Variants in TGFBR3 observed in about 807,000 individuals in gnomAD.
The protein encoded by TGFBR3 is transforming growth factor beta receptor type 3.
A neutral mutation model predicts 87.9 loss-of-function variants in TGFBR3; 46 were observed. The observed-to-expected ratio is 0.52, with a 90% CI of 0.41 to 0.67. The LOEUF (loss-of-function observed/expected upper bound fraction) is 0.67. TGFBR3 is among the 30% of genes least tolerant of loss of function. The pLI, the probability that TGFBR3 is intolerant of heterozygous loss-of-function variation, is 0.00. For synonymous variants in TGFBR3, 381 were observed against 391.6 expected (o/e 0.97, Z 0.32); for missense variants, 866 against 1,041.9 (o/e 0.83, Z 2.32).
At chr1:91,829,397 A>AAC (rs960327961) in intron 2 of TGFBR3, among the ~76,000 whole-genome samples, 1 of 149,350 alleles carries the variant, frequency 6.7e-6, no homozygotes, top group Admixed American at 6.7e-5. Context: ...CAAACAAACA[A>AAC]AAAAAAAAAA....
At chr1:91,731,140 A>G (rs1672753440) in intron 5 of TGFBR3, among the ~76,000 whole-genome samples, 1 of 152,250 alleles carries the variant, frequency 6.6e-6, no homozygotes, top group Admixed American at 6.5e-5. Flanking sequence ...TGGCACTACT[A>G]TAAAACAGAC....
intron 2 of TGFBR3, among the ~76,000 whole-genome samples, chr1:91,842,033 G>A (rs1466573948): frequency 2.7e-5 from 4 of 150,698 alleles, no homozygotes; most frequent in African/African-American, 4.9e-5. Context: ...ACTGGGAGCC[G>A]AAGGTTGCAG....
At chr1:91,872,147 C>A (rs924312447) in intron 1 of TGFBR3, among the ~76,000 whole-genome samples, 2 of 152,200 alleles carry the variant, frequency 1.3e-5, no homozygotes, top group African/African-American at 4.8e-5. Flanking sequence ...GGCTTCCTAT[C>A]CCTGTAGGAA....
chr1:91,683,216 G>A lies in TGFBR3; in HGVS notation c.*523C>T, dbSNP rs909524269. Reference sequence around the variant, plus strand: ...GTTGTGGCAGCAAGGTCAGAAGTGTGCATCCAGACAAAGGTGCAAATTAGA... The same window carrying A: ...GTTGTGGCAGCAAGGTCAGAAGTGTACATCCAGACAAAGGTGCAAATTAGA... On this transcript the variant is annotated 3_prime_UTR_variant, in exon 17 of 17. Transcript: ENST00000212355. The A allele has an allele frequency of 2.2e-6, 1 of 454,506 alleles. No homozygotes were observed. The highest frequency in any genetic ancestry group is 4.4e-6 in the Non-Finnish European group (1 of 226,860). 28.2% of individuals were successfully genotyped at this position (454,506 alleles called of 1,614,324 possible).
intron 1 of TGFBR3, among the ~76,000 whole-genome samples, chr1:91,884,604 C>T (rs1452448517): frequency 6.6e-6 from 1 of 152,170 alleles, no homozygotes; most frequent in East Asian, 1.9e-4. Context: ...GCTTTGGAGT[C>T]AGAACTAACA....
chr1:91,904,975 C>T (rs1168267703), intron 1 of TGFBR3, among the ~76,000 whole-genome samples: 1 of 152,116 alleles, frequency 6.6e-6, no homozygotes, highest in Non-Finnish European at 1.5e-5. Flanking sequence ...GCTGGGATTA[C>T]AGGCATGAGC....
chr1:91,885,651 C>T (rs1054692026), intron 1 of TGFBR3, among the ~76,000 whole-genome samples: 1 of 152,188 alleles, frequency 6.6e-6, no homozygotes, highest in Non-Finnish European at 1.5e-5. Flanking sequence ...CTGCCTGCCC[C>T]GTGCGGCCGC....
intron 3 of TGFBR3, among the ~76,000 whole-genome samples, chr1:91,772,868 T>C (rs1260291336): frequency 6.6e-6 from 1 of 152,220 alleles, no homozygotes; most frequent in African/African-American, 2.4e-5. Flanking sequence ...CTCTCATTCT[T>C]TTCAAAGAAG....
At chr1:91,851,062 C>G (rs1265764580) in intron 2 of TGFBR3, among the ~76,000 whole-genome samples, 2 of 152,180 alleles carry the variant, frequency 1.3e-5, no homozygotes, top group Non-Finnish European at 2.9e-5. Context: ...TGCCAACAAA[C>G]AGAGTAACTT....
chr1:91,798,935 C>T (rs544144570), intron 2 of TGFBR3, among the ~76,000 whole-genome samples: 1 of 152,186 alleles, frequency 6.6e-6, no homozygotes, highest in African/African-American at 2.4e-5. Flanking sequence ...TAGAGACATA[C>T]CCAGGGGAAG....
intron 1 of TGFBR3, among the ~76,000 whole-genome samples, chr1:91,862,283 C>T (rs1202840939): frequency 6.6e-6 from 1 of 152,314 alleles, no homozygotes; most frequent in African/African-American, 2.4e-5. Context: ...ACACTTGATA[C>T]ATGCAACCCT....
rs1671969678 is a variant in TGFBR3 at position 91,711,223 on chromosome 1, C to T, written c.2166+1020G>A. On this transcript the variant is annotated intron_variant, in intron 13 of 16. Coordinates refer to ENST00000212355, the MANE Select transcript of TGFBR3 (RefSeq NM_003243.5). ...GCAAACCTAGGAATATAGTCTAAAT[C>T]ACTGTATATGTGCTCCCCAATGATT... is the stretch of plus-strand genomic sequence containing the variant. Among the ~76,000 whole-genome samples the T allele has an allele frequency of 2.0e-5, 3 of 152,228 alleles. No homozygotes were observed. In the South Asian group the frequency reaches 6.2e-4, roughly 32 times the overall value.
chr1:91,830,112 G>C (rs1198919157), intron 2 of TGFBR3: 2 of 152,042 alleles, frequency 1.3e-5, no homozygotes, highest in Non-Finnish European at 2.9e-5. Flanking sequence ...CTAGATCTTT[G>C]GTACTCAACA....
At chr1:91,869,453 T>A (rs1347760805) in intron 1 of TGFBR3, among the ~76,000 whole-genome samples, 1 of 152,160 alleles carries the variant, frequency 6.6e-6, no homozygotes, top group Non-Finnish European at 1.5e-5. Context: ...TCACTTGAGG[T>A]CAGGAGTTCC....
At chr1:91,869,352 C>A (rs1335925834) in intron 1 of TGFBR3, among the ~76,000 whole-genome samples, 4 of 152,140 alleles carry the variant, frequency 2.6e-5, no homozygotes, top group Non-Finnish European at 5.9e-5. Context: ...GGTATAAATA[C>A]TACTGTGCAC....
In TGFBR3 at chr1:91,741,374, C is replaced by A. The variant is rs193145113; in HGVS notation, c.385-6415G>T. Among the ~76,000 whole-genome samples the A allele has an allele frequency of 9.8e-4, 149 of 152,256 alleles. 2 individuals carry two copies. Among genetic ancestry groups the A allele is most frequent in the South Asian group, 5.6e-3 (27 of 4,814 alleles). ...GGGGTGAGGAGCTTCTGTGCCCTCT[C>A]GGAGAGCGCCACTCCCCCACGCCCC... On this transcript the variant is annotated intron_variant, in intron 4 of 16. Transcript: ENST00000212355.
intron 1 of TGFBR3, among the ~76,000 whole-genome samples, chr1:91,880,803 C>T (rs1679053673): frequency 6.6e-6 from 1 of 150,948 alleles, no homozygotes; most frequent in Non-Finnish European, 1.5e-5. Flanking sequence ...CACTTGAGCC[C>T]AGGAGTTCGA....
intron 14 of TGFBR3, among the ~76,000 whole-genome samples, chr1:91,707,706 A>G (rs980752442): frequency 4.6e-5 from 7 of 152,176 alleles, no homozygotes; most frequent in Admixed American, 1.3e-4. Flanking sequence ...CCCGCTTGGA[A>G]TCCACTTTCA....
At chr1:91,696,651 G>T (rs1231867731) in intron 15 of TGFBR3, among the ~76,000 whole-genome samples, 2 of 152,238 alleles carry the variant, frequency 1.3e-5, no homozygotes, top group East Asian at 3.9e-4. Flanking sequence ...GTTTCCAAGG[G>T]GGAGGAGTTT....
Sources: gnomAD v4.1 joint callset for allele counts (sites outside exome capture counted in the v4.1 genomes callset) on GRCh38, gnomAD v4.1.1 for gene constraint, MANE v1.5 for transcripts, NCBI Gene and HGNC (gene_info 2026-07-23, HGNC 2026-07-21) for gene names.